MAGI2: variants seen among roughly 807,000 people sequenced by gnomAD.
MAGI2 encodes the protein membrane associated guanylate kinase, WW and PDZ domain containing 2, also known as membrane-associated guanylate kinase, WW and PDZ domain-containing protein 2.
Under a neutral mutation model 133.3 loss-of-function variants are expected in MAGI2, and 35 were observed. That is an observed-to-expected ratio of 0.26 (90% CI 0.20 to 0.35). The LOEUF (loss-of-function observed/expected upper bound fraction) is 0.35, where lower values mean the gene tolerates loss of function less well. MAGI2 is among the 10% of genes least tolerant of loss of function. The probability of loss-of-function intolerance (pLI) is 1.00; values close to 1 mark genes in which losing one functional copy is unlikely to be tolerated. For synonymous variants in MAGI2, 729 were observed against 710.6 expected (o/e 1.03, Z -0.41); for missense variants, 1,636 against 1,863.4 (o/e 0.88, Z 2.25).
chr7:79,434,438 A>C (rs190485709), intron 1 of MAGI2, among the ~76,000 whole-genome samples: 1 of 152,378 alleles, frequency 6.6e-6, no homozygotes, highest in East Asian at 1.9e-4. Flanking sequence ...AAAAACTAGG[A>C]AATATCATAA....
intron 1 of MAGI2, among the ~76,000 whole-genome samples, chr7:79,114,576 A>T (rs1584959250): frequency 6.6e-6 from 1 of 152,184 alleles, no homozygotes; most frequent in African/African-American, 2.4e-5. Context: ...TTCTACCGTG[A>T]TCAAGTGAAT....
At chr7:78,656,904 A>G (rs1812348090) in intron 2 of MAGI2, among the ~76,000 whole-genome samples, 1 of 152,024 alleles carries the variant, frequency 6.6e-6, no homozygotes, top group African/African-American at 2.4e-5. Flanking sequence ...AAATATTGGC[A>G]AAAAGTGTAT....
intron 10 of MAGI2, among the ~76,000 whole-genome samples, chr7:78,210,840 G>T (rs2150801090): frequency 6.6e-6 from 1 of 152,260 alleles, no homozygotes; most frequent in South Asian, 2.1e-4. Context: ...TCAGAGAGGA[G>T]GGTCACTGGT....
chr7:78,441,632 A>G (rs1787641373), intron 6 of MAGI2, among the ~76,000 whole-genome samples: 1 of 143,502 alleles, frequency 7.0e-6, no homozygotes, highest in Non-Finnish European at 1.5e-5. Context: ...CATGGAATTC[A>G]GTTCTCTTTC....
intron 4 of MAGI2, among the ~76,000 whole-genome samples, chr7:78,506,035 T>C (rs2150540325): frequency 6.6e-6 from 1 of 152,310 alleles, no homozygotes; most frequent in East Asian, 1.9e-4. Context: ...TATGTTCTAC[T>C]GAAGCAGATG....
At chr7:78,248,101 A>G (rs1791991960) in intron 10 of MAGI2, among the ~76,000 whole-genome samples, 1 of 152,244 alleles carries the variant, frequency 6.6e-6, no homozygotes, top group African/African-American at 2.4e-5. Flanking sequence ...GTCATACACA[A>G]GGGAACTACC....
chr7:79,017,197 C>G (rs527854755), intron 1 of MAGI2, among the ~76,000 whole-genome samples: 2 of 152,328 alleles, frequency 1.3e-5, no homozygotes, highest in South Asian at 4.1e-4. Flanking sequence ...AGAGTTCTAG[C>G]CAGCTGTCTG....
chr7:79,239,150 C>T (rs1832178118), intron 1 of MAGI2, among the ~76,000 whole-genome samples: 3 of 152,096 alleles, frequency 2.0e-5, no homozygotes, highest in African/African-American at 7.2e-5. Flanking sequence ...TATATTACTA[C>T]ATGAACATAA....
At chr7:78,344,441 A>G (rs757452619) in intron 8 of MAGI2, among the ~76,000 whole-genome samples, 20 of 150,736 alleles carry the variant, frequency 1.3e-4, no homozygotes, top group Non-Finnish European at 2.1e-4. Context: ...TGGACTTGTG[A>G]TTTTTTTTTT....
At chr7:78,515,220 A>G (rs761743887) in intron 4 of MAGI2, among the ~76,000 whole-genome samples, 6 of 152,194 alleles carry the variant, frequency 3.9e-5, no homozygotes, top group Non-Finnish European at 7.4e-5. Flanking sequence ...GCTTTCCTGA[A>G]GGAGAGTTCA....
At chr7:78,104,347 C>G (rs1051913252) in intron 20 of MAGI2, among the ~76,000 whole-genome samples, 3 of 151,916 alleles carry the variant, frequency 2.0e-5, no homozygotes, top group Admixed American at 6.6e-5. Context: ...CTCAGCCTCC[C>G]GAGTAGCTGG....
intron 16 of MAGI2, among the ~76,000 whole-genome samples, chr7:78,152,300 G>A (rs746301256): frequency 6.6e-6 from 1 of 152,154 alleles, no homozygotes; most frequent in Admixed American, 6.5e-5. Flanking sequence ...CTGGGACAGG[G>A]TAAATAACTG....
intron 10 of MAGI2, among the ~76,000 whole-genome samples, chr7:78,235,018 A>T (rs1455970390): frequency 6.6e-6 from 1 of 152,134 alleles, no homozygotes; most frequent in Non-Finnish European, 1.5e-5. Flanking sequence ...GGAATTTGAG[A>T]CTTACTTGGC....
At chr7:78,722,250 T>G (rs570721208) in intron 2 of MAGI2, among the ~76,000 whole-genome samples, 42 of 151,908 alleles carry the variant, frequency 2.8e-4, no homozygotes, top group Non-Finnish European at 5.2e-4. Context: ...AGTTTTACTT[T>G]CAAAACTAAT....
At chr7:78,865,110 C>T (rs1794450274) in intron 2 of MAGI2, among the ~76,000 whole-genome samples, 1 of 152,158 alleles carries the variant, frequency 6.6e-6, no homozygotes, top group South Asian at 2.1e-4. Context: ...TAGAATCTCT[C>T]TCCAGTGACT....
intron 2 of MAGI2, among the ~76,000 whole-genome samples, chr7:78,649,457 T>C (rs1416751629): frequency 6.6e-6 from 1 of 152,048 alleles, no homozygotes; most frequent in African/African-American, 2.4e-5. Flanking sequence ...CATTGGAGGC[T>C]GAGTTTGGCA....
chr7:79,105,755 C>A (rs1818400328), intron 1 of MAGI2, among the ~76,000 whole-genome samples: 1 of 152,016 alleles, frequency 6.6e-6, no homozygotes, highest in Non-Finnish European at 1.5e-5. Context: ...CTGGTTTTCT[C>A]CATTGTAGTT....
At chr7:78,333,840 ACCTG>A (rs1333980071) in intron 9 of MAGI2, among the ~76,000 whole-genome samples, 2 of 152,192 alleles carry the variant, frequency 1.3e-5, no homozygotes, top group Admixed American at 1.3e-4. Context: ...GGAGACAGCG[ACCTG>A]CCTGATCCTG....
rs530222868 is a variant in MAGI2, at chr7:78,056,256, C to A, written c.3706+22691G>T. Among the ~76,000 whole-genome samples, 2 of 152,272 alleles carry A rather than the reference C, an allele frequency of 1.3e-5. 1 individual carries two copies. The highest frequency in any genetic ancestry group is 4.1e-4 in the South Asian group (2 of 4,828). ...TTGTAGCAGATGACAGGATTTCCTT[C>A]TTTTTTAAGGCTAAATAATATTCCA... On this transcript the variant is annotated intron_variant, in intron 21 of 21. Transcript: ENST00000354212.
Sources: allele counts gnomAD v4.1 joint callset (sites outside exome capture counted in the v4.1 genomes callset), GRCh38; gene constraint gnomAD v4.1.1; transcripts MANE v1.5; gene names NCBI Gene and HGNC (gene_info 2026-07-23, HGNC 2026-07-21).